The following PDE1C variants were observed in gnomAD, a reference collection of about 807,000 sequenced individuals.
PDE1C encodes dual specificity calcium/calmodulin-dependent 3',5'-cyclic nucleotide phosphodiesterase 1C.
Under a neutral mutation model 93.1 loss-of-function variants are expected in PDE1C, and 62 were observed. The observed-to-expected ratio is 0.67, with a 90% confidence interval of 0.54 to 0.82. PDE1C has a LOEUF of 0.82. Ranked by LOEUF, PDE1C falls within the 40% of genes least tolerant of loss-of-function variation. The pLI is 0.00. For synonymous variants in PDE1C, 325 were observed against 310.1 expected (o/e 1.05, Z -0.50); for missense variants, 742 against 884.6 (o/e 0.84, Z 2.04).
At chr7:32,176,134 G>A (rs541283393) in intron 2 of PDE1C, among the ~76,000 whole-genome samples, 4 of 152,256 alleles carry the variant, frequency 2.6e-5, no homozygotes, top group Admixed American at 6.5e-5. Flanking sequence ...AAGTCCTCAT[G>A]CTGCTCCCCT....
chr7:32,107,079 T>C (rs1798354613), intron 3 of PDE1C, among the ~76,000 whole-genome samples: 1 of 148,878 alleles, frequency 6.7e-6, no homozygotes, highest in African/African-American at 2.5e-5. Context: ...AGAATGGACA[T>C]GGCCAAGGAA....
chr7:32,007,997 T>TAAAC (rs1786512655), intron 2 of PDE1C, among the ~76,000 whole-genome samples: 2 of 152,216 alleles, frequency 1.3e-5, no homozygotes, highest in African/African-American at 4.8e-5. Context: ...TAAAAATGTT[T>TAAAC]ATCTACAAAC....
chr7:32,081,827 A>G (rs1180513658), intron 3 of PDE1C, among the ~76,000 whole-genome samples: 1 of 152,242 alleles, frequency 6.6e-6, no homozygotes, highest in Non-Finnish European at 1.5e-5. Flanking sequence ...TTATTTAATA[A>G]CCATGGCTTT....
intron 1 of PDE1C, among the ~76,000 whole-genome samples, chr7:32,307,399 G>A (rs1293715383): frequency 6.6e-6 from 1 of 152,060 alleles, no homozygotes; most frequent in East Asian, 1.9e-4. Context: ...AACCAGGCAT[G>A]GAATAAACAC....
At chr7:31,628,256 C>T in the PDE1C span, among the ~76,000 whole-genome samples, 1 of 152,056 alleles carries the variant, frequency 6.6e-6, no homozygotes, top group Non-Finnish European at 1.5e-5. Flanking sequence ...TGATGGAACA[C>T]AAGAGAAAGC....
Position 31,823,165 on chromosome 7 carries a change from G to C in PDE1C, c.1490C>G (p.Ser497Cys). The C allele has an allele frequency of 1.9e-6, 3 of 1,613,446 alleles. No homozygotes were observed. The highest frequency in any genetic ancestry group is 2.5e-6 in the Non-Finnish European group (3 of 1,179,558). The change falls in exon 14 of 18, where the codon TCT (serine) becomes TGT (cysteine). Residue 497 changes from serine to cysteine, a missense_variant. Physicochemically the swap from Ser to Cys is moderately radical, Grantham distance 112 (BLOSUM62 -1). Around this residue, in one of 4 missense-constraint regions of PDE1C, gnomAD observed 454 missense variants for 459.4 expected, o/e 0.99. Coordinates refer to ENST00000396191, the MANE Select transcript of PDE1C (RefSeq NM_001191057.4). ...GSEGSAPINN[S>C]VISVDYKSFK... is the part of the protein sequence containing the mutation. ...GCTCTTATAGTCAACGGAGATGACA[G>C]AATTGTTGATCGGGGCACTTCCCTC...
intron 1 of PDE1C, among the ~76,000 whole-genome samples, chr7:32,290,373 T>C (rs544371321): frequency 3.8e-4 from 58 of 152,130 alleles, no homozygotes; most frequent in African/African-American, 1.3e-3. Context: ...CAGCTGTGGG[T>C]CTGGAAGTCT....
chr7:32,306,521 C>T (rs960533844), intron 1 of PDE1C, among the ~76,000 whole-genome samples: 2 of 152,200 alleles, frequency 1.3e-5, no homozygotes, highest in African/African-American at 4.8e-5. Context: ...CACTGTCTCT[C>T]ACATGAATTA....
chr7:32,066,922 T>C (rs1795473232), intron 1 of PDE1C, among the ~76,000 whole-genome samples: 1 of 152,108 alleles, frequency 6.6e-6, no homozygotes, highest in Non-Finnish European at 1.5e-5. Context: ...AAAGCTCAGG[T>C]GTGCAGTATT....
chr7:32,105,449 G>C (rs1798250021), intron 3 of PDE1C, among the ~76,000 whole-genome samples: 2 of 152,142 alleles, frequency 1.3e-5, no homozygotes, highest in Non-Finnish European at 2.9e-5. Flanking sequence ...CAGATATCTA[G>C]ATTCAGTGAC....
At chr7:32,374,256 G>GAAAGGAAGAAAGAAAGA (rs1784389218) in intron 1 of PDE1C, among the ~76,000 whole-genome samples, 1 of 113,250 alleles carries the variant, frequency 8.8e-6, no homozygotes, top group Non-Finnish European at 1.8e-5. Context: ...GAAAGGAAAG[G>GAAAGGAAGAAAGAAAGA]AAGAAAGAAA....
At chr7:32,040,613 A>T (rs184958448) in intron 2 of PDE1C, among the ~76,000 whole-genome samples, 29 of 152,326 alleles carry the variant, frequency 1.9e-4, no homozygotes, top group Middle Eastern at 3.4e-3. Context: ...TGACACAAGA[A>T]TGTATACTCT....
At chr7:31,812,181 C>T (rs1230089622) in intron 15 of PDE1C, among the ~76,000 whole-genome samples, 1 of 152,122 alleles carries the variant, frequency 6.6e-6, no homozygotes, top group African/African-American at 2.4e-5. Flanking sequence ...TCCCACCTCT[C>T]ATTTACTGCT....
In PDE1C at chr7:32,058,262, C is replaced by T. The variant is rs1051690289; in HGVS notation, c.102-6682G>A. Among the ~76,000 whole-genome samples, 9 of 152,144 alleles carry T rather than the reference C, an allele frequency of 5.9e-5. No individual in the cohort carries two copies. The East Asian group carries it at 7.7e-4, about 13-fold the overall frequency. On this transcript the variant is annotated intron_variant, in intron 1 of 17. Transcript: ENST00000396191. ...TTTCTCCAGAGACCACTACCACCGC[C>T]GACACACAGACCGCTTCGGAAAGCT...
At chr7:32,047,352 G>C (rs891208205) in intron 2 of PDE1C, among the ~76,000 whole-genome samples, 1 of 152,230 alleles carries the variant, frequency 6.6e-6, no homozygotes, top group Non-Finnish European at 1.5e-5. Context: ...CTCTTGGAAT[G>C]ATTGACCCTC....
rs116415934 is a variant in PDE1C, at chr7:31,997,069, G to C, written c.128+54485C>G. On this transcript the variant is annotated intron_variant, in intron 2 of 17. Coordinates refer to ENST00000396191, the MANE Select transcript of PDE1C (RefSeq NM_001191057.4). ...AAAATTTATTGCATAGAAATATACA[G>C]ATAGACTAATAGGTGGGCAAATATT... Among the ~76,000 whole-genome samples, 1,022 of 152,284 alleles carry C rather than the reference G, an allele frequency of 6.7e-3. 12 individuals are homozygous for C. Among genetic ancestry groups the C allele is most frequent in the African/African-American group, 0.024 (978 of 41,574 alleles).
intron 1 of PDE1C, among the ~76,000 whole-genome samples, chr7:32,404,536 T>C (rs1021679324): frequency 3.9e-5 from 6 of 152,052 alleles, no homozygotes; most frequent in African/African-American, 1.4e-4. Context: ...TTATTTTTTA[T>C]TTTTTTAAGA....
At position 32,169,901 on chromosome 7, in the gene PDE1C, A is replaced by T. The variant is rs572634656; in HGVS notation, c.192T>A (p.Asn64Lys). 1.9e-5 allele frequency: 31 copies of T among 1,612,650 alleles called. No individual in the cohort carries two copies. In the South Asian group the frequency reaches 3.2e-4, roughly 17 times the overall value. The stretch of plus-strand genomic sequence containing the variant: ...TTGTTGGCCTTGGCTTCTCCTTGAC[A>T]TTCCCTGTGAGCCCATCGATGAGGG... Residue 64 changes from asparagine (N) to lysine (K), a missense_variant, in exon 3 of 19, where the codon AAT (asparagine) becomes AAA (lysine). Asn to Lys is a moderately conservative substitution (Grantham distance 94). Coordinates refer to the PDE1C transcript ENST00000396193.
At chr7:32,128,707 TG>T (rs1799726200) in intron 3 of PDE1C, among the ~76,000 whole-genome samples, 1 of 151,336 alleles carries the variant, frequency 6.6e-6, no homozygotes, top group Non-Finnish European at 1.5e-5. Flanking sequence ...ATCACAGCTT[TG>T]GGGGACAATT....
Sources: allele counts gnomAD v4.1 joint callset (sites outside exome capture counted in the v4.1 genomes callset), GRCh38; gene constraint gnomAD v4.1.1; regional missense constraint gnomAD v4.1.1; transcripts MANE v1.5; gene names NCBI Gene and HGNC (gene_info 2026-07-23, HGNC 2026-07-21).